The following CAST variants were observed in gnomAD, a reference collection of about 807,000 sequenced individuals.
CAST encodes the protein calpastatin.
A neutral mutation model predicts 119.6 loss-of-function variants in CAST; 76 were observed. The ratio of observed to expected loss-of-function variants is 0.64; its 90% CI spans 0.53 to 0.77. CAST has a LOEUF of 0.77. CAST is among the 30% of genes least tolerant of loss of function. CAST has a pLI of 0.00. For synonymous variants in CAST, 319 were observed against 331.6 expected (o/e 0.96, Z 0.41); for missense variants, 953 against 946.5 (o/e 1.01, Z -0.09).
chr5:96,351,963 T>C, the CAST span, among the ~76,000 whole-genome samples: 6 of 152,038 alleles, frequency 3.9e-5, no homozygotes, highest in African/African-American at 1.4e-4. Flanking sequence ...AAAATAACTG[T>C]TGGGTGGGTA....
chr5:96,425,017 AAAG>A, the CAST span, among the ~76,000 whole-genome samples: 7 of 46,154 alleles, frequency 1.5e-4, no homozygotes, highest in African/African-American at 3.4e-4. Flanking sequence ...GAAAAGAAAG[AAAG>A]AAAGAAAGAA....
the CAST span, among the ~76,000 whole-genome samples, chr5:96,227,509 C>T: frequency 0.33 from 49,801 of 151,894 alleles, 8,496 homozygotes; most frequent in Admixed American, 0.43. Context: ...GTCTGGACCG[C>T]TCAGGTTTTT....
chr5:96,551,882 T>C lies in CAST; in HGVS notation c.60+22002T>C, dbSNP rs138536214. ...AGAAGAGCAAACTATCCTAAATATA[T>C]ATGCACCCAATAGAGGAGCACCGCG... On this transcript the variant is annotated intron_variant, in intron 1 of 11. Transcript: ENST00000505143. 3.3e-3 allele frequency among the ~76,000 whole-genome samples: 495 copies of C among 152,184 alleles called. 2 individuals carry two copies. Among genetic ancestry groups the C allele is most frequent in the Middle Eastern group, 0.01 (3 of 294 alleles).
At chr5:96,540,900 A>G (rs1341777950) in intron 1 of CAST, among the ~76,000 whole-genome samples, 2 of 152,166 alleles carry the variant, frequency 1.3e-5, no homozygotes, top group Non-Finnish European at 2.9e-5. Context: ...TGCCCTTTTC[A>G]TTGTACATAC....
the CAST span, among the ~76,000 whole-genome samples, chr5:96,506,585 G>T: frequency 6.6e-6 from 1 of 152,154 alleles, no homozygotes; most frequent in African/African-American, 2.4e-5. Context: ...ATGGAACCAG[G>T]GGGAGGGGAG....
upstream of CAST, among the ~76,000 whole-genome samples, chr5:96,525,024 C>T (rs796066152): frequency 3.3e-5 from 5 of 152,264 alleles, no homozygotes; most frequent in African/African-American, 1.2e-4. Flanking sequence ...TTCCTTGGCT[C>T]TTCATGTGTT....
the CAST span, among the ~76,000 whole-genome samples, chr5:96,127,917 T>C: frequency 6.6e-6 from 1 of 152,136 alleles, no homozygotes; most frequent in Non-Finnish European, 1.5e-5. Flanking sequence ...TATATGGATG[T>C]AGGCATTTAC....
chr5:96,084,521 T>A, the CAST span, among the ~76,000 whole-genome samples: 1 of 152,230 alleles, frequency 6.6e-6, no homozygotes, highest in Admixed American at 6.5e-5. Flanking sequence ...TAATCTTCAA[T>A]TCACTGATTC....
the CAST span, among the ~76,000 whole-genome samples, chr5:95,968,350 T>A: frequency 6.6e-6 from 1 of 152,364 alleles, no homozygotes; most frequent in East Asian, 1.9e-4. Flanking sequence ...ATGTGTGGTA[T>A]ATATAATTTG....
the CAST span, among the ~76,000 whole-genome samples, chr5:96,143,489 C>G: frequency 6.6e-5 from 10 of 152,186 alleles, no homozygotes; most frequent in Admixed American, 6.5e-4. Context: ...AAGCTGTGAC[C>G]CAGAATTGAA....
intron 1 of CAST, among the ~76,000 whole-genome samples, chr5:96,673,996 CT>C (rs2150244652): frequency 6.6e-6 from 1 of 152,304 alleles, no homozygotes; most frequent in East Asian, 1.9e-4. Context: ...ACGAACATGC[CT>C]TTTGGCTAGT....
chr5:95,966,614 C>G, the CAST span, among the ~76,000 whole-genome samples: 5 of 152,126 alleles, frequency 3.3e-5, 1 homozygote, highest in South Asian at 1.0e-3. Flanking sequence ...AAAGTCCCTC[C>G]TCCCTTCCAG....
chr5:96,225,667 A>T, the CAST span, among the ~76,000 whole-genome samples: 2 of 152,190 alleles, frequency 1.3e-5, no homozygotes, highest in African/African-American at 4.8e-5. Context: ...TCTCTATCTG[A>T]GATGATTTTC....
the CAST span, among the ~76,000 whole-genome samples, chr5:96,197,763 A>C: frequency 6.6e-6 from 1 of 151,946 alleles, no homozygotes; most frequent in Admixed American, 6.6e-5. Flanking sequence ...CAACCTAGAC[A>C]TTTTTTTGTG....
the CAST span, among the ~76,000 whole-genome samples, chr5:96,154,239 C>T: frequency 4.6e-5 from 7 of 151,458 alleles, no homozygotes; most frequent in Non-Finnish European, 4.4e-5. Context: ...GATAGCGCCA[C>T]TGCACTCCAG....
intron 1 of CAST, among the ~76,000 whole-genome samples, chr5:96,626,753 C>T (rs192856944): frequency 8.5e-5 from 13 of 152,218 alleles, no homozygotes; most frequent in African/African-American, 2.4e-4. Context: ...TGCTGTTCTC[C>T]GCTAAAATTA....
At chr5:96,198,252 A>T in the CAST span, among the ~76,000 whole-genome samples, 5 of 152,058 alleles carry the variant, frequency 3.3e-5, no homozygotes, top group Admixed American at 2.0e-4. Flanking sequence ...TTACCTCTGG[A>T]CTTCATTTAG....
chr5:96,523,208 T>C (rs192759103), upstream of CAST, among the ~76,000 whole-genome samples: 4 of 152,332 alleles, frequency 2.6e-5, no homozygotes, highest in Admixed American at 2.0e-4. Context: ...AGGTGCTGCC[T>C]GGTGTGCCCA....
chr5:96,367,228 G>A, the CAST span, among the ~76,000 whole-genome samples: 3 of 152,166 alleles, frequency 2.0e-5, no homozygotes, highest in East Asian at 5.8e-4. Flanking sequence ...GTGTCAGTCT[G>A]CCCCTACTGG....
Sources: allele counts gnomAD v4.1 joint callset (sites outside exome capture counted in the v4.1 genomes callset), GRCh38; gene constraint gnomAD v4.1.1; transcripts MANE v1.5; gene names NCBI Gene and HGNC (gene_info 2026-07-23, HGNC 2026-07-21).